Variants in PTPRD observed in about 807,000 individuals in gnomAD.
PTPRD encodes protein tyrosine phosphatase receptor type D.
Under a neutral mutation model 214.5 loss-of-function variants are expected in PTPRD, and 34 were observed. The observed-to-expected ratio is 0.16, with a 90% CI of 0.12 to 0.21. The LOEUF (loss-of-function observed/expected upper bound fraction) is 0.21, where lower values mean the gene tolerates loss of function less well. Among genes scored for constraint, PTPRD ranks in the 10% least tolerant of loss-of-function variants. The pLI, the probability that PTPRD is intolerant of heterozygous loss-of-function variation, is 1.00. For synonymous variants in PTPRD, 1,128 were observed against 845.7 expected (o/e 1.33, Z -5.79); for missense variants, 2,545 against 2,398.7 (o/e 1.06, Z -1.27).
chr9:8,633,764 T>G (rs138987389), intron 13 of PTPRD, among the ~76,000 whole-genome samples: 1 of 152,108 alleles, frequency 6.6e-6, no homozygotes, highest in Non-Finnish European at 1.5e-5. Flanking sequence ...ACTCTATTAA[T>G]TTTGCAAGAG....
chr9:10,302,782 C>T (rs1429249484), intron 3 of PTPRD, among the ~76,000 whole-genome samples: 4 of 152,144 alleles, frequency 2.6e-5, no homozygotes, highest in Admixed American at 2.6e-4. Flanking sequence ...TAGATACCTG[C>T]AAAGAGACTT....
intron 9 of PTPRD, among the ~76,000 whole-genome samples, chr9:9,338,276 C>A (rs1245393474): frequency 6.6e-6 from 1 of 152,116 alleles, no homozygotes; most frequent in Admixed American, 6.5e-5. Context: ...ATAGTCTATT[C>A]CATGTTAGGA....
intron 10 of PTPRD, among the ~76,000 whole-genome samples, chr9:9,035,279 T>G (rs2099617978): frequency 6.6e-6 from 1 of 152,108 alleles, no homozygotes; most frequent in Admixed American, 6.6e-5. Flanking sequence ...TTTCCTCCCT[T>G]TTTGTCAGAA....
intron 9 of PTPRD, among the ~76,000 whole-genome samples, chr9:9,224,340 G>A (rs1230588165): frequency 1.3e-5 from 2 of 151,896 alleles, no homozygotes; most frequent in Admixed American, 1.3e-4. Flanking sequence ...GCCATTTCAG[G>A]AAAATTTTCA....
At chr9:8,784,446 G>A (rs10739169) in intron 11 of PTPRD, among the ~76,000 whole-genome samples, 96,749 of 152,032 alleles carry the variant, frequency 0.64, 31,108 homozygotes, top group Middle Eastern at 0.72. Flanking sequence ...TCAATAACTT[G>A]GTCGGCTTAT....
chr9:9,879,006 C>T (rs1454581196), intron 5 of PTPRD, among the ~76,000 whole-genome samples: 1 of 152,040 alleles, frequency 6.6e-6, no homozygotes, highest in Non-Finnish European at 1.5e-5. Flanking sequence ...CTCTATGTGC[C>T]CTCAAAATAG....
chr9:9,194,520 G>A (rs1430144234), intron 9 of PTPRD, among the ~76,000 whole-genome samples: 1 of 152,076 alleles, frequency 6.6e-6, no homozygotes, highest in East Asian at 1.9e-4. Context: ...TGGGTGACAG[G>A]AAACTTCAGC....
At chr9:8,887,697 G>C (rs745425945) in intron 11 of PTPRD, among the ~76,000 whole-genome samples, 18 of 150,994 alleles carry the variant, frequency 1.2e-4, no homozygotes, top group Non-Finnish European at 2.1e-4. Flanking sequence ...TTACTTCAAA[G>C]GAAGCAGTAA....
chr9:8,749,541 A>G (rs1565774671), intron 11 of PTPRD, among the ~76,000 whole-genome samples: 1 of 152,168 alleles, frequency 6.6e-6, no homozygotes, highest in Non-Finnish European at 1.5e-5. Context: ...CAAAAATGAC[A>G]TATTTTACTA....
chr9:8,729,768 C>A (rs2098634638), intron 12 of PTPRD, among the ~76,000 whole-genome samples: 1 of 152,244 alleles, frequency 6.6e-6, no homozygotes, highest in Non-Finnish European at 1.5e-5. Flanking sequence ...CAGACTATGG[C>A]TTCAGAGCTC....
At chr9:9,577,596 GTTTAT>G (rs1484724747) in intron 7 of PTPRD, among the ~76,000 whole-genome samples, 1 of 151,814 alleles carries the variant, frequency 6.6e-6, no homozygotes, top group African/African-American at 2.4e-5. Context: ...ATAAAAAGGA[GTTTAT>G]TTTAACACGA....
chr9:10,381,079 T>C (rs1334678779), intron 2 of PTPRD, among the ~76,000 whole-genome samples: 1 of 151,330 alleles, frequency 6.6e-6, no homozygotes, highest in East Asian at 2.0e-4. Context: ...AACTAAAATA[T>C]AAAATAATTA....
chr9:8,824,377 G>A (rs1316012137), intron 11 of PTPRD, among the ~76,000 whole-genome samples: 1 of 152,160 alleles, frequency 6.6e-6, no homozygotes, highest in Non-Finnish European at 1.5e-5. Context: ...AAATAGGGGC[G>A]ATGATATTTT....
chr9:9,133,070 A>G (rs28550526), intron 10 of PTPRD, among the ~76,000 whole-genome samples: 8,145 of 152,228 alleles, frequency 0.054, 507 homozygotes, highest in African/African-American at 0.14. Flanking sequence ...CATCTATTTC[A>G]TATCATGCAA....
chr9:10,206,898 T>A (rs575832920), intron 3 of PTPRD, among the ~76,000 whole-genome samples: 1 of 152,212 alleles, frequency 6.6e-6, no homozygotes, highest in East Asian at 1.9e-4. Context: ...TACCAATAAA[T>A]ACTGGAGCAT....
chr9:9,701,341 T>TA (rs932128036), intron 7 of PTPRD, among the ~76,000 whole-genome samples: 20 of 152,060 alleles, frequency 1.3e-4, no homozygotes, highest in Admixed American at 4.6e-4. Context: ...GTTTGCATTA[T>TA]AAAAAAAAGT....
chr9:10,126,426 T>TACACAC (rs57563877), intron 3 of PTPRD, among the ~76,000 whole-genome samples: 19 of 96,244 alleles, frequency 2.0e-4, no homozygotes, highest in South Asian at 1.9e-3. Context: ...GTTTTATATA[T>TACACAC]ACACACACAC....
intron 2 of PTPRD, among the ~76,000 whole-genome samples, chr9:10,610,295 C>A (rs1299955230): frequency 6.6e-6 from 1 of 152,126 alleles, no homozygotes; most frequent in East Asian, 1.9e-4. Context: ...AGCACTATGA[C>A]ATAATTACAA....
At chr9:10,374,408 T>C (rs1310504675) in intron 2 of PTPRD, among the ~76,000 whole-genome samples, 1 of 152,092 alleles carries the variant, frequency 6.6e-6, no homozygotes, top group African/African-American at 2.4e-5. Context: ...CAGTTGGCTC[T>C]TCCCTTGATA....
Sources: allele counts gnomAD v4.1 joint callset (sites outside exome capture counted in the v4.1 genomes callset), GRCh38; gene constraint gnomAD v4.1.1; transcripts MANE v1.5; gene names NCBI Gene and HGNC (gene_info 2026-07-23, HGNC 2026-07-21).